Variants in SDK1 observed in about 807,000 individuals in gnomAD.
SDK1 encodes the protein protein sidekick-1.
SDK1 carries 157 observed loss-of-function variants against 245.5 expected under a neutral mutation model. The observed-to-expected ratio is 0.64, with a 90% CI of 0.56 to 0.73. The LOEUF (loss-of-function observed/expected upper bound fraction) is 0.73. Ranked by LOEUF, SDK1 falls within the 30% of genes least tolerant of loss-of-function variation. SDK1 has a pLI of 0.00. For synonymous variants in SDK1, 1,647 were observed against 1,278.5 expected (o/e 1.29, Z -6.15); for missense variants, 3,583 against 3,002.3 (o/e 1.19, Z -4.52).
At chr7:3,731,853 G>T (rs185600980) in intron 4 of SDK1, among the ~76,000 whole-genome samples, 1 of 152,112 alleles carries the variant, frequency 6.6e-6, no homozygotes, top group Non-Finnish European at 1.5e-5. Context: ...GTGCAGTGGC[G>T]TGATGTTGGC....
chr7:4,093,950 T>C (rs890862179), intron 22 of SDK1, among the ~76,000 whole-genome samples: 1 of 152,124 alleles, frequency 6.6e-6, no homozygotes, highest in Non-Finnish European at 1.5e-5. Flanking sequence ...CTGGGGAAAA[T>C]GTCGTCTCAG....
intron 1 of SDK1, among the ~76,000 whole-genome samples, chr7:3,517,710 G>A (rs1052584392): frequency 5.3e-5 from 8 of 152,120 alleles, no homozygotes; most frequent in African/African-American, 1.4e-4. Flanking sequence ...GCTGTTCTGT[G>A]TTGTATCATC....
At chr7:3,796,759 T>C (rs553743824) in intron 4 of SDK1, among the ~76,000 whole-genome samples, 2 of 152,356 alleles carry the variant, frequency 1.3e-5, no homozygotes, top group East Asian at 3.9e-4. Flanking sequence ...GTATTGATTA[T>C]TAATTTTAAA....
chr7:3,518,161 G>C (rs766507434), intron 1 of SDK1, among the ~76,000 whole-genome samples: 2 of 152,054 alleles, frequency 1.3e-5, no homozygotes, highest in African/African-American at 4.8e-5. Context: ...GTATGAGGCA[G>C]GAAAATACAT....
At chr7:3,377,030 G>A (rs768709319) in intron 1 of SDK1, among the ~76,000 whole-genome samples, 13 of 151,922 alleles carry the variant, frequency 8.6e-5, no homozygotes, top group South Asian at 2.1e-4. Context: ...TTCTGAAATC[G>A]ATTCTAACAT....
intron 1 of SDK1, among the ~76,000 whole-genome samples, chr7:3,328,941 C>G (rs1346977228): frequency 1.3e-5 from 2 of 152,054 alleles, no homozygotes; most frequent in Non-Finnish European, 2.9e-5. Flanking sequence ...AGGTAGATTC[C>G]TAGCATGGAA....
chr7:4,264,980 TGGCATTG>T, intron 44 of SDK1, 137 bp from the exon 45 acceptor site: 1 of 1,237,888 alleles, frequency 8.1e-7, no homozygotes, highest in Non-Finnish European at 1.1e-6. Context: ...TGGGAGGGCC[TGGCATTG>T]GGTTGGGGTG....
chr7:3,375,706 A>C (rs900161294), intron 1 of SDK1, among the ~76,000 whole-genome samples: 9 of 152,178 alleles, frequency 5.9e-5, no homozygotes, highest in African/African-American at 2.2e-4. Flanking sequence ...GCCACCATCA[A>C]CTTGCCTGCC....
chr7:3,355,209 A>G (rs191776615), intron 1 of SDK1, among the ~76,000 whole-genome samples: 1 of 152,238 alleles, frequency 6.6e-6, no homozygotes, highest in African/African-American at 2.4e-5. Context: ...CTGAAACTAG[A>G]CCTAAAGTTC....
At chr7:4,203,014 G>T (rs758118860) in intron 35 of SDK1, among the ~76,000 whole-genome samples, 2 of 152,172 alleles carry the variant, frequency 1.3e-5, no homozygotes, top group Non-Finnish European at 2.9e-5. Flanking sequence ...GCTGAAGCTC[G>T]CTGGCCACTT....
In SDK1 at chr7:3,772,928, T is replaced by G. The variant is rs113832181; in HGVS notation, c.714-48522T>G. On this transcript the variant is annotated intron_variant, in intron 4 of 44. Coordinates refer to ENST00000404826, the MANE Select transcript of SDK1 (RefSeq NM_152744.4). ...TGATAATTTTATTGAGGATCCCATG[T>G]ATCGTGATGAATCACTGCAGTTTCA... Among the ~76,000 whole-genome samples, 97 of 152,350 alleles carry G rather than the reference T, an allele frequency of 6.4e-4. 1 individual carries two copies. The highest frequency in any genetic ancestry group is 2.2e-3 in the African/African-American group (93 of 41,582).
intron 1 of SDK1, among the ~76,000 whole-genome samples, chr7:3,450,721 G>A (rs1040279652): frequency 2.6e-5 from 4 of 152,186 alleles, no homozygotes; most frequent in African/African-American, 9.6e-5. Flanking sequence ...TGTGAAAAGA[G>A]TTGGAGATTT....
chr7:3,972,779 A>G (rs935585079), intron 12 of SDK1, among the ~76,000 whole-genome samples: 22 of 152,202 alleles, frequency 1.4e-4, no homozygotes, highest in African/African-American at 4.8e-4. Flanking sequence ...TGTTTGGCCA[A>G]TTGTAAATTT....
At chr7:3,804,801 G>T (rs1296156315) in intron 4 of SDK1, among the ~76,000 whole-genome samples, 3 of 152,158 alleles carry the variant, frequency 2.0e-5, no homozygotes, top group Admixed American at 1.3e-4. Context: ...ACCTATTTCT[G>T]TTGAGTGATT....
intron 1 of SDK1, among the ~76,000 whole-genome samples, chr7:3,574,867 A>G (rs988494398): frequency 3.3e-5 from 5 of 152,068 alleles, no homozygotes; most frequent in African/African-American, 9.7e-5. Flanking sequence ...AGAAGTACCA[A>G]TTTTACAAAT....
intron 4 of SDK1, among the ~76,000 whole-genome samples, chr7:3,677,915 A>G (rs547225032): frequency 6.6e-6 from 1 of 152,318 alleles, no homozygotes; most frequent in Admixed American, 6.5e-5. Flanking sequence ...GATGTCCAGA[A>G]TGTGTAAAGA....
intron 4 of SDK1, among the ~76,000 whole-genome samples, chr7:3,670,244 G>A (rs896844148): frequency 7.9e-5 from 12 of 152,152 alleles, no homozygotes; most frequent in African/African-American, 2.7e-4. Flanking sequence ...ATTAGTCTGA[G>A]TAACCAAATC....
intron 1 of SDK1, among the ~76,000 whole-genome samples, chr7:3,544,759 A>T (rs949972942): frequency 2.8e-4 from 42 of 152,198 alleles, no homozygotes; most frequent in African/African-American, 9.4e-4. Flanking sequence ...AGCACTTACC[A>T]ACCAAGAAAT....
rs1781278112 is a variant in SDK1 at position 3,474,249 on chromosome 7, C to G, written c.299-144831C>G. Among the ~76,000 whole-genome samples the G allele has an allele frequency of 2.6e-5, 4 of 151,602 alleles. No individual in the cohort carries two copies. In the South Asian group the frequency reaches 8.4e-4, roughly 32 times the overall value. ...TCCCAAGTAGTGGTGGCGTGCGCCA[C>G]CACGACCAGCTAATTTTTGTATTTT... On this transcript the variant is annotated intron_variant, in intron 1 of 44. Transcript: ENST00000404826.
Sources: gnomAD v4.1 joint callset for allele counts (sites outside exome capture counted in the v4.1 genomes callset) on GRCh38, gnomAD v4.1.1 for gene constraint, MANE v1.5 for transcripts, NCBI Gene and HGNC (gene_info 2026-07-23, HGNC 2026-07-21) for gene names.